The following SPMIP11 variants were observed in gnomAD, a reference collection of about 807,000 sequenced individuals.
The protein encoded by SPMIP11 is sperm microtubule inner protein 11.
chr12:48,735,999 T>G, the SPMIP11 span: 1 of 338,642 alleles, frequency 3.0e-6, no homozygotes, highest in African/African-American at 2.2e-5. Flanking sequence ...AAATCAGTAG[T>G]CTTGTAGTCT....
the SPMIP11 span, among the ~76,000 whole-genome samples, chr12:48,754,636 G>A: frequency 6.6e-6 from 1 of 151,912 alleles, no homozygotes; most frequent in Non-Finnish European, 1.5e-5. Flanking sequence ...ATTTTTAGTA[G>A]AGACAGAGTT....
At chr12:48,770,196 G>T in the SPMIP11 span, among the ~76,000 whole-genome samples, 2 of 151,184 alleles carry the variant, frequency 1.3e-5, no homozygotes, top group African/African-American at 4.9e-5. Flanking sequence ...GATCCACCGC[G>T]CCCGGCATGG....
At chr12:48,728,707 C>CAAAAAA in the SPMIP11 span, among the ~76,000 whole-genome samples, 6 of 70,970 alleles carry the variant, frequency 8.5e-5, no homozygotes, top group African/African-American at 2.4e-4. Context: ...GACTCTGTCT[C>CAAAAAA]AAAAAAAAAA....
chr12:48,769,205 C>A, the SPMIP11 span: 199 of 853,724 alleles, frequency 2.3e-4, no homozygotes, highest in Non-Finnish European at 3.1e-4. Flanking sequence ...CAATCTAGTT[C>A]AAGACGAGCC....
At chr12:48,768,549 G>T in the SPMIP11 span, 3 of 1,614,008 alleles carry the variant, frequency 1.9e-6, no homozygotes, top group East Asian at 4.5e-5. Context: ...TCCACTCAAT[G>T]CCCACCTTGG....
chr12:48,740,685 G>C, the SPMIP11 span, among the ~76,000 whole-genome samples: 1 of 150,296 alleles, frequency 6.7e-6, no homozygotes, highest in African/African-American at 2.5e-5. Flanking sequence ...TAAGAGAGGA[G>C]ATCTCAGCCT....
At chr12:48,759,457 G>C in the SPMIP11 span, 1 of 597,304 alleles carries the variant, frequency 1.7e-6, no homozygotes, top group South Asian at 1.8e-5. Flanking sequence ...GGGAGGCCGA[G>C]GCAGGCGGAT....
the SPMIP11 span, among the ~76,000 whole-genome samples, chr12:48,730,802 G>A: frequency 6.6e-6 from 1 of 152,190 alleles, no homozygotes; most frequent in African/African-American, 2.4e-5. Flanking sequence ...GCCAGGCGTA[G>A]TGGCACATGC....
chr12:48,764,977 T>C, the SPMIP11 span: 3 of 702,562 alleles, frequency 4.3e-6, no homozygotes, highest in East Asian at 2.7e-5. Context: ...CATTGTCTCA[T>C]AAAAAGCGCG....
At chr12:48,733,764 C>CT in the SPMIP11 span, among the ~76,000 whole-genome samples, 26,385 of 83,166 alleles carry the variant, frequency 0.32, 5,444 homozygotes, top group East Asian at 0.87. Context: ...AATGCAGATT[C>CT]TTTTTTTTTT....
the SPMIP11 span, among the ~76,000 whole-genome samples, chr12:48,743,442 G>T: frequency 2.6e-5 from 4 of 152,082 alleles, no homozygotes; most frequent in Non-Finnish European, 5.9e-5. Flanking sequence ...AAAATTGCAG[G>T]TACATGGTAA....
At chr12:48,755,913 T>C in the SPMIP11 span, among the ~76,000 whole-genome samples, 5 of 148,116 alleles carry the variant, frequency 3.4e-5, no homozygotes, top group Non-Finnish European at 7.4e-5. Context: ...AGTCTTGCTC[T>C]GTTGCCCAGG....
the SPMIP11 span, among the ~76,000 whole-genome samples, chr12:48,764,144 G>A: frequency 4.6e-5 from 7 of 151,318 alleles, no homozygotes; most frequent in South Asian, 6.3e-4. Context: ...CACCACGCCC[G>A]GCTAATTTTT....
chr12:48,762,110 G>C, the SPMIP11 span, among the ~76,000 whole-genome samples: 1 of 134,538 alleles, frequency 7.4e-6, no homozygotes, highest in African/African-American at 2.9e-5. Flanking sequence ...CCAGGCTGGA[G>C]TGCAGTGGCG....
chr12:48,762,410 CAGGCT>C, the SPMIP11 span, among the ~76,000 whole-genome samples: 1 of 132,462 alleles, frequency 7.5e-6, no homozygotes, highest in African/African-American at 3.1e-5. Flanking sequence ...CTCTGTCGCC[CAGGCT>C]GGAGTGCAAT....
chr12:48,771,017 C>T, the SPMIP11 span: 11 of 1,580,604 alleles, frequency 7.0e-6, no homozygotes, highest in Non-Finnish European at 8.6e-6. The surrounding 1 kb of genome is among the most constrained non-coding windows in gnomAD (Gnocchi z 4.3). Flanking sequence ...GACCCCAGAC[C>T]CAGCCCTGCC....
At chr12:48,733,924 C>G in the SPMIP11 span, among the ~76,000 whole-genome samples, 886 of 151,868 alleles carry the variant, frequency 5.8e-3, 7 homozygotes, top group African/African-American at 0.02. Context: ...GCACATGCCA[C>G]CACACCTGTC....
At chr12:48,755,555 C>T in the SPMIP11 span, among the ~76,000 whole-genome samples, 1 of 152,078 alleles carries the variant, frequency 6.6e-6, no homozygotes, top group Non-Finnish European at 1.5e-5. Flanking sequence ...TATGGGTTAT[C>T]AAGAATATCT....
At chr12:48,733,316 C>T in the SPMIP11 span, among the ~76,000 whole-genome samples, 7 of 152,078 alleles carry the variant, frequency 4.6e-5, no homozygotes, top group South Asian at 1.5e-3. Context: ...CTCAAGTGAT[C>T]CTCCCACCTC....
Sources: gnomAD v4.1 joint callset for allele counts (sites outside exome capture counted in the v4.1 genomes callset) on GRCh38, gnomAD v4.1.1 for gene constraint, Gnocchi (gnomAD v3.1) non-coding constraint, MANE v1.5 for transcripts, NCBI Gene and HGNC (gene_info 2026-07-23, HGNC 2026-07-21) for gene names.